Variants in HS3ST2 observed in about 807,000 individuals in gnomAD.
HS3ST2 encodes the protein heparan sulfate-glucosamine 3-sulfotransferase 2, also known as heparan sulfate glucosamine 3-O-sulfotransferase 2.
A neutral mutation model predicts 26.3 loss-of-function variants in HS3ST2; 17 were observed. The observed-to-expected ratio is 0.65, with a 90% CI of 0.44 to 0.97. The LOEUF (loss-of-function observed/expected upper bound fraction) is 0.97, where lower values mean the gene tolerates loss of function less well. Among genes scored for constraint, HS3ST2 ranks in the 50% least tolerant of loss-of-function variants. The pLI, the probability that HS3ST2 is intolerant of heterozygous loss-of-function variation, is 0.00. For missense variants in HS3ST2, 402 were observed against 501.2 expected (o/e 0.80, Z 1.89); for synonymous variants, 237 against 219.2 (o/e 1.08, Z -0.72).
chr16:22,835,959 T>C (rs1231603546), intron 1 of HS3ST2, among the ~76,000 whole-genome samples: 1 of 150,264 alleles, frequency 6.7e-6, no homozygotes, highest in Non-Finnish European at 1.5e-5. Context: ...CAGAAATTAA[T>C]GAATAGAGGG....
intron 1 of HS3ST2, among the ~76,000 whole-genome samples, chr16:22,885,450 T>G (rs541635757): frequency 6.7e-4 from 102 of 151,696 alleles, no homozygotes; most frequent in Non-Finnish European, 1.2e-3. Context: ...TCATTTTTCT[T>G]TTCTTTTCTT....
intron 1 of HS3ST2, among the ~76,000 whole-genome samples, chr16:22,901,333 G>A (rs1902279372): frequency 6.6e-6 from 1 of 152,196 alleles, no homozygotes; most frequent in Non-Finnish European, 1.5e-5. Context: ...GCTGCCTTAA[G>A]ACCTTGCAAT....
At chr16:22,888,487 A>G (rs537588438) in intron 1 of HS3ST2, among the ~76,000 whole-genome samples, 38 of 150,818 alleles carry the variant, frequency 2.5e-4, no homozygotes, top group African/African-American at 8.3e-4. Flanking sequence ...CCCGGGTTCA[A>G]GCAATTCTCC....
chr16:22,871,846 G>T (rs192312262), intron 1 of HS3ST2, among the ~76,000 whole-genome samples: 8 of 152,342 alleles, frequency 5.3e-5, no homozygotes, highest in Admixed American at 3.9e-4. Context: ...AGAAACCTGT[G>T]TGACTCCGAC....
rs1901356317 is a variant in HS3ST2, at chr16:22,841,511, T to C, written c.485+26416T>C. Among the ~76,000 whole-genome samples the C allele has an allele frequency of 1.3e-5, 2 of 152,220 alleles. 1 individual carries two copies. Among genetic ancestry groups the C allele is most frequent in the South Asian group, 4.1e-4 (2 of 4,832 alleles). On this transcript the variant is annotated intron_variant, in intron 1 of 1. Coordinates refer to ENST00000261374, the MANE Select transcript of HS3ST2 (RefSeq NM_006043.2). ...CCTTTAGTGGTTATTCTTACAGTGT[T>C]TACTTGACTTAATAGTTCAGAATTC...
chr16:22,870,546 G>A (rs1298227071), intron 1 of HS3ST2, among the ~76,000 whole-genome samples: 1 of 152,040 alleles, frequency 6.6e-6, no homozygotes, highest in African/African-American at 2.4e-5. Context: ...TACACCCAAT[G>A]CCTGTTCCTG....
chr16:22,822,767 G>A (rs71378483), intron 1 of HS3ST2, among the ~76,000 whole-genome samples: 23,625 of 151,456 alleles, frequency 0.16, 2,220 homozygotes, highest in African/African-American at 0.26. Context: ...AGGAAGGAGA[G>A]TTGCTTGAAC....
intron 1 of HS3ST2, among the ~76,000 whole-genome samples, chr16:22,902,382 A>C (rs1295395280): frequency 6.6e-6 from 1 of 152,178 alleles, no homozygotes; most frequent in East Asian, 1.9e-4. Flanking sequence ...CTTAGACAAT[A>C]GTCCAGGGGT....
intron 1 of HS3ST2, among the ~76,000 whole-genome samples, chr16:22,869,853 G>A (rs1286734122): frequency 6.6e-6 from 1 of 152,090 alleles, no homozygotes; most frequent in Non-Finnish European, 1.5e-5. Context: ...AGCAAAAGGA[G>A]CCCTCTTTCA....
intron 1 of HS3ST2, among the ~76,000 whole-genome samples, chr16:22,842,781 G>A (rs1901377212): frequency 6.6e-6 from 1 of 151,728 alleles, no homozygotes; most frequent in African/African-American, 2.4e-5. Context: ...CTTTCCTTTA[G>A]TCTCTCCGTG....
chr16:22,882,945 C>T (rs1042270328), intron 1 of HS3ST2, among the ~76,000 whole-genome samples: 6 of 143,672 alleles, frequency 4.2e-5, no homozygotes, highest in Non-Finnish European at 9.1e-5. Flanking sequence ...GCAGGAAAAT[C>T]GCTTGAACCC....
At chr16:22,848,459 A>C (rs1482136420) in intron 1 of HS3ST2, among the ~76,000 whole-genome samples, 2 of 152,214 alleles carry the variant, frequency 1.3e-5, no homozygotes, top group Non-Finnish European at 2.9e-5. Flanking sequence ...ACTGATGTTC[A>C]CCAGAGACTG....
Position 22,915,190 on chromosome 16 carries a change from A to G in HS3ST2, c.732A>G (p.Ser244=), listed in dbSNP as rs35682499. The G allele has an allele frequency of 0.13, 209,054 of 1,613,916 alleles. 15,565 individuals carry two copies. Among genetic ancestry groups the G allele is most frequent in the African/African-American group, 0.29 (21,747 of 74,888 alleles). ...RNRTLGLVDV[S]WNAIRIGMYV... is the part of the protein sequence containing the mutation. Reference sequence around the variant, plus strand: ...GCACCCTGGGCCTGGTGGACGTGTCATGGAACGCCATCCGCATCGGCATGT... The same window carrying G: ...GCACCCTGGGCCTGGTGGACGTGTCGTGGAACGCCATCCGCATCGGCATGT... The change falls in exon 2 of 2, where the codon TCA becomes TCG. Residue 244 remains serine (S), a synonymous_variant. Coordinates refer to ENST00000261374, the MANE Select transcript of HS3ST2 (RefSeq NM_006043.2).
chr16:22,820,981 C>A (rs1312821057), intron 1 of HS3ST2, among the ~76,000 whole-genome samples: 1 of 152,188 alleles, frequency 6.6e-6, no homozygotes, highest in East Asian at 1.9e-4. Flanking sequence ...GCCTGGGAGA[C>A]CTGGCTTCCC....
At chr16:22,833,546 G>A (rs565354434) in intron 1 of HS3ST2, 15 of 343,944 alleles carry the variant, frequency 4.4e-5, no homozygotes, top group African/African-American at 8.6e-5. Context: ...GAGGCACACC[G>A]GACCTTTTTG....
chr16:22,888,890 G>A (rs1902098336), intron 1 of HS3ST2, among the ~76,000 whole-genome samples: 1 of 152,196 alleles, frequency 6.6e-6, no homozygotes, highest in Non-Finnish European at 1.5e-5. Flanking sequence ...TGCACCTTGG[G>A]TGCATTTCCA....
At chr16:22,836,788 C>T (rs904427537) in intron 1 of HS3ST2, among the ~76,000 whole-genome samples, 1 of 152,042 alleles carries the variant, frequency 6.6e-6, no homozygotes, top group Non-Finnish European at 1.5e-5. Context: ...GGATCACAGG[C>T]ATGCATCACC....
chr16:22,814,889 G>A lies in HS3ST2; in HGVS notation c.279G>A (p.Val93=). Residue 93 remains valine, a synonymous_variant, in exon 1 of 2, where the codon GTG becomes GTA. Transcript: ENST00000261374. The part of the protein sequence containing the change: ...PSAPSAPAAA[V]PAPRLSGSNH... ...CTCCCAGCGCGCCCGCCGCCGCCGT[G>A]CCCGCCCCTCGCCTCTCCGGTTCCA... 2.6e-6 allele frequency: 4 copies of A among 1,564,940 alleles called. No homozygotes were observed. The highest frequency in any genetic ancestry group is 1.9e-5 in the Admixed American group (1 of 52,500).
intron 1 of HS3ST2, among the ~76,000 whole-genome samples, chr16:22,862,085 G>A (rs577587035): frequency 6.6e-6 from 1 of 152,252 alleles, no homozygotes; most frequent in Non-Finnish European, 1.5e-5. Flanking sequence ...TTTTTCTCTG[G>A]TTCATTTACA....
Sources: allele counts gnomAD v4.1 joint callset (sites outside exome capture counted in the v4.1 genomes callset), GRCh38; gene constraint gnomAD v4.1.1; transcripts MANE v1.5; gene names NCBI Gene and HGNC (gene_info 2026-07-23, HGNC 2026-07-21).